The following WWOX variants were observed in gnomAD, a reference collection of about 807,000 sequenced individuals.
WWOX encodes the protein WW domain containing oxidoreductase.
Under a neutral mutation model 46.2 loss-of-function variants are expected in WWOX, and 69 were observed. The observed-to-expected ratio is 1.49, with a 90% CI of 1.23 to 1.82. WWOX has a LOEUF of 1.82. Ranked by LOEUF, WWOX falls within the 40% of genes most tolerant of loss-of-function variation. The pLI is 0.00. For missense variants in WWOX, 919 were observed against 542.6 expected (o/e 1.69, Z -6.89); for synonymous variants, 359 against 202.6 (o/e 1.77, Z -6.56).
chr16:78,856,497 G>A (rs1399524521), intron 8 of WWOX, among the ~76,000 whole-genome samples: 1 of 152,064 alleles, frequency 6.6e-6, no homozygotes, highest in Non-Finnish European at 1.5e-5. Flanking sequence ...ACAAAAATCA[G>A]CTGGTTGTGG....
intron 8 of WWOX, among the ~76,000 whole-genome samples, chr16:78,631,701 T>G (rs1196003350): frequency 6.6e-6 from 1 of 152,016 alleles, no homozygotes; most frequent in African/African-American, 2.4e-5. Flanking sequence ...TGCCTGGCTA[T>G]TTTTTGTAGG....
intron 4 of WWOX, among the ~76,000 whole-genome samples, chr16:78,152,943 A>G (rs1208889162): frequency 6.6e-6 from 1 of 152,112 alleles, no homozygotes; most frequent in Non-Finnish European, 1.5e-5. Flanking sequence ...TTATGTTATT[A>G]GGGCTATTTA....
chr16:78,372,559 T>A (rs2081718232), intron 5 of WWOX, among the ~76,000 whole-genome samples: 1 of 152,156 alleles, frequency 6.6e-6, no homozygotes, highest in South Asian at 2.1e-4. Context: ...TGGAGGGAAG[T>A]GCCCTGTCCA....
At chr16:79,084,969 A>G (rs1287996922) in intron 8 of WWOX, among the ~76,000 whole-genome samples, 2 of 151,786 alleles carry the variant, frequency 1.3e-5, no homozygotes, top group Non-Finnish European at 2.9e-5. Context: ...TCTGTCTCCC[A>G]GGCTGGAGTG....
chr16:78,548,173 AAAAAAT>A (rs2044088847), intron 8 of WWOX, among the ~76,000 whole-genome samples: 2 of 61,974 alleles, frequency 3.2e-5, no homozygotes, highest in South Asian at 4.6e-4. Flanking sequence ...AAAAAAAAAA[AAAAAAT>A]TACGAATTTT....
At chr16:78,419,650 AG>A (rs1236512794) in intron 6 of WWOX, among the ~76,000 whole-genome samples, 15 of 139,658 alleles carry the variant, frequency 1.1e-4, no homozygotes, top group African/African-American at 2.7e-4. Flanking sequence ...AAAAAAAAAA[AG>A]GGTCAGAGAC....
intron 8 of WWOX, among the ~76,000 whole-genome samples, chr16:78,531,686 T>G (rs1402213884): frequency 6.6e-6 from 1 of 151,954 alleles, no homozygotes; most frequent in African/African-American, 2.4e-5. Context: ...CTACTAAAAA[T>G]ACAAAAATTT....
chr16:78,997,133 T>A (rs928048628), intron 8 of WWOX, among the ~76,000 whole-genome samples: 1 of 151,340 alleles, frequency 6.6e-6, no homozygotes, highest in African/African-American at 2.4e-5. Context: ...GTTCGAGTGG[T>A]TCGTGTGTGT....
At chr16:78,190,511 G>T (rs2035852129) in intron 5 of WWOX, among the ~76,000 whole-genome samples, 1 of 152,188 alleles carries the variant, frequency 6.6e-6, no homozygotes, top group African/African-American at 2.4e-5. Flanking sequence ...TGGGTACTGA[G>T]TGTCTCCCCG....
chr16:78,521,810 T>A (rs16947917), intron 8 of WWOX, among the ~76,000 whole-genome samples: 1,649 of 152,102 alleles, frequency 0.011, 36 homozygotes, highest in African/African-American at 0.038. Context: ...AAGAAGCCCA[T>A]GTGAAAACAC....
chr16:78,832,455 G>C (rs998412019), intron 8 of WWOX, among the ~76,000 whole-genome samples: 8 of 152,160 alleles, frequency 5.3e-5, no homozygotes, highest in Non-Finnish European at 7.4e-5. Flanking sequence ...AGTTAGGAGA[G>C]GGGAACCTGG....
At chr16:78,424,257 A>G (rs1397166069) in intron 6 of WWOX, among the ~76,000 whole-genome samples, 1 of 151,178 alleles carries the variant, frequency 6.6e-6, no homozygotes, top group African/African-American at 2.4e-5. Flanking sequence ...AACTGGGATT[A>G]CAGACATATA....
intron 8 of WWOX, among the ~76,000 whole-genome samples, chr16:79,066,707 G>T (rs1012382818): frequency 7.2e-5 from 11 of 152,212 alleles, no homozygotes; most frequent in African/African-American, 2.4e-4. Flanking sequence ...TCTGTGCCAT[G>T]AGAGCCTGCC....
intron 8 of WWOX, among the ~76,000 whole-genome samples, chr16:78,930,396 G>T (rs2045598223): frequency 6.7e-6 from 1 of 148,768 alleles, no homozygotes; most frequent in Non-Finnish European, 1.5e-5. Context: ...TCACACCTTA[G>T]CCTCCTGAGT....
chr16:78,301,731 G>A (rs1472449514), intron 5 of WWOX, among the ~76,000 whole-genome samples: 2 of 152,138 alleles, frequency 1.3e-5, no homozygotes, highest in African/African-American at 4.8e-5. Context: ...TGGAAATCAG[G>A]ACTGTCTCTG....
At chr16:79,210,745 C>A (rs898873829) in intron 8 of WWOX, among the ~76,000 whole-genome samples, 1 of 152,130 alleles carries the variant, frequency 6.6e-6, no homozygotes, top group East Asian at 1.9e-4. Context: ...TGATTTCTTG[C>A]CCTCTTTATA....
intron 5 of WWOX, among the ~76,000 whole-genome samples, chr16:78,308,670 A>C (rs1321364867): frequency 6.6e-6 from 1 of 152,174 alleles, no homozygotes; most frequent in East Asian, 1.9e-4. Context: ...GGAGAGATTC[A>C]CTAGGAGTCT....
intron 5 of WWOX, among the ~76,000 whole-genome samples, chr16:78,210,321 C>G (rs560678860): frequency 6.6e-6 from 1 of 152,152 alleles, no homozygotes; most frequent in Non-Finnish European, 1.5e-5. Flanking sequence ...TTCAGGCAGT[C>G]GATACCACTG....
chr16:78,321,380 G>T (rs193266280), intron 5 of WWOX, among the ~76,000 whole-genome samples: 1 of 49,604 alleles, frequency 2.0e-5, no homozygotes, highest in Non-Finnish European at 3.2e-5. Flanking sequence ...ACGTATATAT[G>T]CGTATATATA....
Sources: gnomAD v4.1 joint callset for allele counts (sites outside exome capture counted in the v4.1 genomes callset) on GRCh38, gnomAD v4.1.1 for gene constraint, MANE v1.5 for transcripts, NCBI Gene and HGNC (gene_info 2026-07-23, HGNC 2026-07-21) for gene names.